Variants in COL22A1 observed in about 807,000 individuals in gnomAD.
The protein encoded by COL22A1 is collagen alpha-1(XXII) chain.
A neutral mutation model predicts 248.9 loss-of-function variants in COL22A1; 221 were observed. That is an observed-to-expected ratio of 0.89 (90% CI 0.80 to 0.99). COL22A1 has a LOEUF of 0.99. Ranked by LOEUF, COL22A1 falls within the 50% of genes least tolerant of loss-of-function variation. COL22A1 has a pLI of 0.00. For synonymous variants in COL22A1, 891 were observed against 793.4 expected (o/e 1.12, Z -2.07); for missense variants, 2,240 against 2,179.0 (o/e 1.03, Z -0.56).
intron 49 of COL22A1, among the ~76,000 whole-genome samples, chr8:138,633,942 G>A (rs187474059): frequency 8.2e-4 from 125 of 152,260 alleles, no homozygotes; most frequent in Non-Finnish European, 1.2e-3. Context: ...TAACATCAAA[G>A]GCGCTTGGGA....
At chr8:138,704,586 A>G in intron 30 of COL22A1, among the ~76,000 whole-genome samples, 1 of 152,212 alleles carries the variant, frequency 6.6e-6, no homozygotes. Context: ...AGGAAAACTA[A>G]CAAACAGAAA....
intron 45 of COL22A1, among the ~76,000 whole-genome samples, chr8:138,650,011 G>A (rs1822558990): frequency 6.6e-6 from 1 of 152,142 alleles, no homozygotes; most frequent in Non-Finnish European, 1.5e-5. Context: ...TGACATATCT[G>A]GATATTCCTC....
chr8:138,775,514 G>A (rs1814359135), intron 16 of COL22A1, among the ~76,000 whole-genome samples: 1 of 152,270 alleles, frequency 6.6e-6, no homozygotes, highest in East Asian at 1.9e-4. Flanking sequence ...TGGCTCAAAT[G>A]CAGGTCACCA....
At chr8:138,800,135 C>A (rs73723530) in intron 11 of COL22A1, among the ~76,000 whole-genome samples, 1 of 152,336 alleles carries the variant, frequency 6.6e-6, no homozygotes, top group African/African-American at 2.4e-5. Context: ...GCCCTCTTCT[C>A]TTGGAACGGT....
rs545328340 is a variant in COL22A1 at position 138,612,986 on chromosome 8, C to T, written c.3978+881G>A. 6.1e-5 allele frequency among the ~76,000 whole-genome samples: 9 copies of T among 146,628 alleles called. No homozygotes were observed. In the South Asian group the frequency reaches 1.5e-3, roughly 25 times the overall value. On this transcript the variant is annotated intron_variant, in intron 56 of 64. Coordinates refer to ENST00000303045, the MANE Select transcript of COL22A1 (RefSeq NM_152888.3). ...AGCAGGGGCTGGGCACGGTGGCTTA[C>T]GCCTGTAATCCCAATACTTTGGGAG...
chr8:138,866,688 C>T (rs1241561983), intron 3 of COL22A1, among the ~76,000 whole-genome samples: 4 of 152,328 alleles, frequency 2.6e-5, no homozygotes, highest in Non-Finnish European at 5.9e-5. Flanking sequence ...GGTACAAGGC[C>T]CCATGGCCAG....
chr8:138,613,685 G>T (rs563925210), intron 56 of COL22A1, among the ~76,000 whole-genome samples, 182 bp downstream of exon 56: 2 of 150,838 alleles, frequency 1.3e-5, no homozygotes, highest in African/African-American at 2.4e-5. Context: ...TCCCAGAAAA[G>T]AATCTGAGTG....
chr8:138,663,036 A>ACACACACACACACACACACACACAC (rs1554737820), intron 42 of COL22A1, among the ~76,000 whole-genome samples: 19 of 151,966 alleles, frequency 1.3e-4, no homozygotes, highest in South Asian at 6.3e-4. Flanking sequence ...ACACACACAC[A>ACACACACACACACACACACACACAC]AAGCAATCCC....
intron 3 of COL22A1, among the ~76,000 whole-genome samples, chr8:138,857,383 C>A (rs1822114941): frequency 6.6e-6 from 1 of 152,200 alleles, no homozygotes; most frequent in Non-Finnish European, 1.5e-5. Flanking sequence ...CATGACCACA[C>A]CCTTCCATGC....
At chr8:138,719,147 G>A (rs1829672096) in intron 27 of COL22A1, among the ~76,000 whole-genome samples, 1 of 152,116 alleles carries the variant, frequency 6.6e-6, no homozygotes, top group South Asian at 2.1e-4. Flanking sequence ...TCTGGAAGAT[G>A]ATAGAATTTC....
chr8:138,772,472 G>T (rs1024326760), intron 16 of COL22A1, among the ~76,000 whole-genome samples: 8 of 152,170 alleles, frequency 5.3e-5, no homozygotes, highest in African/African-American at 1.9e-4. Context: ...ACTTCTGAGG[G>T]AGAGATGCTT....
At chr8:138,642,538 T>G (rs141651459) in intron 47 of COL22A1, among the ~76,000 whole-genome samples, 1 of 152,194 alleles carries the variant, frequency 6.6e-6, no homozygotes, top group Admixed American at 6.5e-5. Flanking sequence ...TGTTCTTTTT[T>G]TCTGGATGGA....
chr8:138,834,016 T>TA (rs1441421587), intron 4 of COL22A1, among the ~76,000 whole-genome samples: 1 of 152,164 alleles, frequency 6.6e-6, no homozygotes, highest in Admixed American at 6.5e-5. Flanking sequence ...TTTTACAAGT[T>TA]ATTCCCCACA....
intron 28 of COL22A1, among the ~76,000 whole-genome samples, 196 bp from the exon 29 acceptor site, chr8:138,716,485 T>C (rs1829441761): frequency 6.6e-6 from 1 of 152,188 alleles, no homozygotes; most frequent in Admixed American, 6.5e-5. Context: ...CAAGCTCTTG[T>C]CTACTTCAGC....
At chr8:138,706,360 A>T (rs1828446331) in intron 30 of COL22A1, among the ~76,000 whole-genome samples, 1 of 152,216 alleles carries the variant, frequency 6.6e-6, no homozygotes, top group South Asian at 2.1e-4. Context: ...CATCTCATTC[A>T]TTCCAAAATT....
chr8:138,846,968 A>G (rs912331590), intron 3 of COL22A1, among the ~76,000 whole-genome samples: 1 of 152,182 alleles, frequency 6.6e-6, no homozygotes, highest in African/African-American at 2.4e-5. Flanking sequence ...TTTTGTCTCC[A>G]TGCTTCCCAG....
intron 33 of COL22A1, 75 bp from the exon 34 acceptor site, chr8:138,694,636 T>C (rs1827350192): frequency 2.0e-6 from 3 of 1,497,190 alleles, no homozygotes; most frequent in Non-Finnish European, 9.2e-7. Context: ...GGCGGGGACG[T>C]TGCAATGGGT....
At position 138,807,811 on chromosome 8, in the gene COL22A1, C is replaced by T; in HGVS notation, c.1451G>A (p.Gly484Asp). The T allele has an allele frequency of 6.2e-7, 1 of 1,613,926 alleles. No homozygotes were observed. The highest frequency in any genetic ancestry group is 8.5e-7 in the Non-Finnish European group (1 of 1,179,894). The change falls in exon 10 of 65, where the codon GGT becomes GAT. Residue 484 changes from glycine to aspartate, a missense_variant and splice_region_variant. By Grantham distance (94) the Gly-to-Asp change is moderately conservative (BLOSUM62 -1). Coordinates refer to ENST00000303045, the MANE Select transcript of COL22A1 (RefSeq NM_152888.3). The part of the protein sequence containing the change: ...INCSCPAGEK[G>D]EMGVAGPMGL... ...CATGGGGCCAGCAACTCCCATTTCACCCTAAAAGAAGAAAGACAACAAAAA... is the reference window on the plus strand; with the variant it reads ...CATGGGGCCAGCAACTCCCATTTCATCCTAAAAGAAGAAAGACAACAAAAA...
At chr8:138,639,651 T>A (rs146267173) in intron 47 of COL22A1, among the ~76,000 whole-genome samples, 4 of 152,162 alleles carry the variant, frequency 2.6e-5, no homozygotes, top group African/African-American at 7.2e-5. Flanking sequence ...AGTTTTTTTT[T>A]AGGGGGGGTC....
Sources: gnomAD v4.1 joint callset for allele counts (sites outside exome capture counted in the v4.1 genomes callset) on GRCh38, gnomAD v4.1.1 for gene constraint, MANE v1.5 for transcripts, NCBI Gene and HGNC (gene_info 2026-07-23, HGNC 2026-07-21) for gene names.